The following MIAT variants were observed in gnomAD, a reference collection of about 807,000 sequenced individuals.
MIAT encodes MI related novel mRNA.
intron 2 of MIAT, among the ~76,000 whole-genome samples, chr22:26,661,716 C>T (rs1930668140): frequency 6.6e-6 from 1 of 151,782 alleles, no homozygotes; most frequent in South Asian, 2.1e-4. Context: ...TACACTATGC[C>T]ACTCTCCTAA....
chr22:26,658,876 C>A (rs948123266), intron 2 of MIAT, among the ~76,000 whole-genome samples: 2 of 152,204 alleles, frequency 1.3e-5, no homozygotes, highest in Non-Finnish European at 2.9e-5. Context: ...CGACTCAAAG[C>A]AAAACACTTG....
chr22:26,656,486 G>A (rs141031836), intron 2 of MIAT, among the ~76,000 whole-genome samples: 3,263 of 149,978 alleles, frequency 0.022, 55 homozygotes, highest in Non-Finnish European at 0.033. Context: ...CACCACACCC[G>A]GCTAATTTTT....
downstream of MIAT, chr22:26,670,602 T>TTAAAAAAAAAA (rs367735721): frequency 4.0e-6 from 1 of 249,582 alleles, no homozygotes; most frequent in African/African-American, 3.5e-5. Flanking sequence ...CATTGCTCCT[T>TTAAAAAAAAAA]AAAAAAAAAA....
At chr22:26,657,970 C>T (rs1209338617) in intron 2 of MIAT, among the ~76,000 whole-genome samples, 8 of 151,874 alleles carry the variant, frequency 5.3e-5, no homozygotes, top group Non-Finnish European at 8.8e-5. Context: ...CCTTTCCTTC[C>T]GACGACACAA....
exon 4 of MIAT, chr22:26,666,851 G>A (rs1388684422): frequency 1.0e-5 from 4 of 399,084 alleles, no homozygotes; most frequent in African/African-American, 2.1e-5. Flanking sequence ...TGGCTCTTTT[G>A]TCTTCCAGGA....
chr22:26,666,801 G>A, exon 4 of MIAT: 1 of 398,980 alleles, frequency 2.5e-6, no homozygotes, highest in Non-Finnish European at 4.4e-6. Context: ...GCCTGGGCCT[G>A]GGGAGGGGGC....
intron 2 of MIAT, among the ~76,000 whole-genome samples, chr22:26,659,834 TTCTTTC>T: frequency 2.4e-5 from 3 of 126,302 alleles, no homozygotes; most frequent in Non-Finnish European, 3.3e-5. Context: ...CTTTCTTTCT[TTCTTTC>T]TTTTTTTTTT....
downstream of MIAT, chr22:26,670,355 G>A (rs8209): frequency 0.012 from 4,711 of 398,348 alleles, 193 homozygotes; most frequent in African/African-American, 0.087. Context: ...CATGCTGGAT[G>A]GGATAAAACC....
chr22:26,651,864 G>A (rs1037236029), intron 2 of MIAT, among the ~76,000 whole-genome samples: 3 of 152,230 alleles, frequency 2.0e-5, no homozygotes, highest in Non-Finnish European at 4.4e-5. Flanking sequence ...TGTTATTTTG[G>A]GGGTGATGAA....
downstream of MIAT, chr22:26,671,906 C>T: frequency 5.0e-6 from 2 of 398,580 alleles, no homozygotes; most frequent in Non-Finnish European, 8.8e-6. Flanking sequence ...AGGCCCTGGC[C>T]TCTCTGGGTG....
chr22:26,648,931 C>CAG (rs60141294), intron 2 of MIAT, among the ~76,000 whole-genome samples: 4,529 of 149,060 alleles, frequency 0.03, 105 homozygotes, highest in African/African-American at 0.058. Flanking sequence ...GAGAGCGAGA[C>CAG]AGAGAGAGAG....
At chr22:26,656,141 A>G (rs1003028945) in intron 2 of MIAT, 1 of 151,860 alleles carries the variant, frequency 6.6e-6, no homozygotes, top group African/African-American at 2.4e-5. Flanking sequence ...CCTCCAGAGT[A>G]GCTGGTATTA....
At chr22:26,674,246 A>T (rs920485421), downstream of MIAT, 2 of 398,532 alleles carry the variant, frequency 5.0e-6, no homozygotes, top group African/African-American at 4.1e-5. Context: ...TGTGCAATTT[A>T]GCTGCACCGA....
downstream of MIAT, chr22:26,673,017 T>G: frequency 2.5e-6 from 1 of 398,512 alleles, no homozygotes; most frequent in Non-Finnish European, 4.4e-6. Context: ...TGACCGGAAG[T>G]CCTTGGGAAA....
chr22:26,671,525 C>CCAGCTG, downstream of MIAT: 1 of 398,438 alleles, frequency 2.5e-6, no homozygotes. Flanking sequence ...TACTAACCAC[C>CCAGCTG]CCCCCGCAGC....
downstream of MIAT, chr22:26,673,162 G>C (rs1319052795): frequency 5.0e-6 from 2 of 398,526 alleles, no homozygotes; most frequent in Non-Finnish European, 8.8e-6. Context: ...AACCTCAGGG[G>C]CTCACAGGGT....
exon 4 of MIAT, chr22:26,666,397 A>G (rs1930845175): frequency 2.5e-6 from 1 of 398,692 alleles, no homozygotes; most frequent in Non-Finnish European, 4.4e-6. Context: ...CAGAAAAATA[A>G]CTGAGGCTGG....
chr22:26,664,989 C>CA (rs1930792163), intron 3 of MIAT, among the ~76,000 whole-genome samples: 1 of 152,126 alleles, frequency 6.6e-6, no homozygotes, highest in African/African-American at 2.4e-5. Flanking sequence ...GTAATCCCAG[C>CA]ACTTTGGAAG....
chr22:26,657,041 A>C (rs1265895864), intron 2 of MIAT, among the ~76,000 whole-genome samples: 1 of 152,242 alleles, frequency 6.6e-6, no homozygotes, highest in Non-Finnish European at 1.5e-5. Flanking sequence ...CATGTGCATA[A>C]AGAGGCATAC....
Sources: gnomAD v4.1 joint callset for allele counts (sites outside exome capture counted in the v4.1 genomes callset) on GRCh38, gnomAD v4.1.1 for gene constraint, MANE v1.5 for transcripts, NCBI Gene and HGNC (gene_info 2026-07-23, HGNC 2026-07-21) for gene names.